The following RAPGEF6 variants were observed in gnomAD, a reference collection of about 807,000 sequenced individuals.
The protein encoded by RAPGEF6 is PDZ domain containing guanine nucleotide exchange factor (GEF) 2.
In RAPGEF6, 56 loss-of-function variants were observed where a neutral mutation model predicts 171.4. That is an observed-to-expected ratio of 0.33 (90% CI 0.26 to 0.41). RAPGEF6 has a LOEUF of 0.41. Ranked by LOEUF, RAPGEF6 falls within the 10% of genes least tolerant of loss-of-function variation. The pLI, the probability that RAPGEF6 is intolerant of heterozygous loss-of-function variation, is 1.00. For synonymous variants in RAPGEF6, 692 were observed against 650.1 expected, an observed-to-expected ratio of 1.06 and a Z score of -0.98; for missense variants, 1,674 against 1,921.4, an observed-to-expected ratio of 0.87 and a Z score of 2.41.
intron 6 of RAPGEF6, among the ~76,000 whole-genome samples, chr5:131,530,090 T>C (rs1463319167): frequency 2.7e-5 from 4 of 149,014 alleles, no homozygotes; most frequent in Non-Finnish European, 5.9e-5. Flanking sequence ...ATATTTTTAA[T>C]AGACACGGGG....
chr5:131,634,766 A>AC (rs1448613514), intron 1 of RAPGEF6, among the ~76,000 whole-genome samples, 196 bp downstream of exon 1: 2 of 152,158 alleles, frequency 1.3e-5, no homozygotes, highest in African/African-American at 4.8e-5. Context: ...GCGGGTTAAG[A>AC]CCGCATCACA....
At chr5:131,439,954 C>G in intron 23 of RAPGEF6, 2 of 635,060 alleles carry the variant, frequency 3.1e-6, no homozygotes, top group African/African-American at 3.7e-5. Flanking sequence ...TTTGTCTGCA[C>G]TTTGTGGTAT....
At chr5:131,552,913 G>T (rs894352031) in intron 5 of RAPGEF6, among the ~76,000 whole-genome samples, 1 of 152,104 alleles carries the variant, frequency 6.6e-6, no homozygotes, top group South Asian at 2.1e-4. Context: ...TAAAAAAGTG[G>T]AATGACACCT....
intron 15 of RAPGEF6, among the ~76,000 whole-genome samples, chr5:131,486,555 C>G (rs1334383726): frequency 6.6e-6 from 1 of 152,010 alleles, no homozygotes; most frequent in Non-Finnish European, 1.5e-5. Flanking sequence ...TTTTAGATAT[C>G]CTGGAATAGA....
intron 9 of RAPGEF6, among the ~76,000 whole-genome samples, chr5:131,505,790 A>C (rs1016844314): frequency 3.9e-5 from 6 of 152,202 alleles, no homozygotes; most frequent in African/African-American, 1.4e-4. Context: ...TCAAGAGCAC[A>C]AACTCTTGGA....
intron 15 of RAPGEF6, among the ~76,000 whole-genome samples, chr5:131,486,145 G>C (rs1755874385): frequency 6.6e-6 from 1 of 152,118 alleles, no homozygotes; most frequent in African/African-American, 2.4e-5. Flanking sequence ...CCTAACAAAG[G>C]TTGTAATGCT....
At chr5:131,600,613 AGAG>A (rs1764180655) in intron 3 of RAPGEF6, among the ~76,000 whole-genome samples, 2 of 149,368 alleles carry the variant, frequency 1.3e-5, no homozygotes, top group Non-Finnish European at 3.0e-5. Context: ...AGGGGAGAGA[AGAG>A]GAGAGAAGAG....
chr5:131,511,583 T>A (rs1340245202), intron 7 of RAPGEF6, among the ~76,000 whole-genome samples: 1 of 151,560 alleles, frequency 6.6e-6, no homozygotes, highest in Admixed American at 6.6e-5. Flanking sequence ...TGCAACCTTG[T>A]CCTCCTGGAC....
chr5:131,469,794 T>C (rs1754620346), intron 17 of RAPGEF6: 3 of 1,512,930 alleles, frequency 2.0e-6, no homozygotes, highest in Non-Finnish European at 2.7e-6. Flanking sequence ...GTCTTTAAGA[T>C]ACTTACAATA....
At chr5:131,483,655 G>A (rs1399742439) in intron 15 of RAPGEF6, among the ~76,000 whole-genome samples, 1 of 151,940 alleles carries the variant, frequency 6.6e-6, no homozygotes, top group African/African-American at 2.4e-5. Context: ...ACAAACACAC[G>A]AAACAAAAGT....
rs137921839 is a variant in RAPGEF6, at chr5:131,588,511, C to T, written c.281+3872G>A. Among the ~76,000 whole-genome samples the T allele has an allele frequency of 7.4e-3, 1,123 of 152,036 alleles. 8 individuals carry two copies. Among genetic ancestry groups the T allele is most frequent in the African/African-American group, 0.025 (1,038 of 41,452 alleles). On this transcript the variant is annotated intron_variant, in intron 4 of 27. Coordinates refer to ENST00000509018, the MANE Select transcript of RAPGEF6 (RefSeq NM_016340.6). ...TAATCCCAGCACTTTGGGAGGCCAACGCAGGTGGATCACTTGAGGTCAAGA... is the reference window on the plus strand; with the variant it reads ...TAATCCCAGCACTTTGGGAGGCCAATGCAGGTGGATCACTTGAGGTCAAGA...
rs1408175918 is a variant in RAPGEF6 at position 131,464,159 on chromosome 5, C to T, written c.2362G>A (p.Gly788Ser). 5.6e-6 allele frequency: 9 copies of T among 1,613,972 alleles called. No individual in the cohort carries two copies. The highest frequency in any genetic ancestry group is 1.7e-4 in the Middle Eastern group (1 of 6,058). Residue 788 changes from glycine (G) to serine (S), a missense_variant, in exon 18 of 28, where the codon GGT becomes AGT. Transcript: ENST00000509018. ...CAGAGAGAATATGTGTCGGATGCAC[C>T]GGTCAAACCAAATTCATGAACAGCA... is the stretch of plus-strand genomic sequence containing the variant. The part of the protein sequence containing the change: ...FHAVHEFGLT[G>S]ASDTYSLCEV...
chr5:131,488,892 T>G (rs1356781943), intron 15 of RAPGEF6, among the ~76,000 whole-genome samples: 6 of 152,192 alleles, frequency 3.9e-5, no homozygotes, highest in Non-Finnish European at 8.8e-5. Flanking sequence ...AATCCTAAAG[T>G]GTCTAAGGCA....
At chr5:131,585,333 CATAT>C (rs1282250278) in intron 4 of RAPGEF6, among the ~76,000 whole-genome samples, 22 of 147,736 alleles carry the variant, frequency 1.5e-4, no homozygotes, top group South Asian at 6.4e-4. Context: ...TACATACATA[CATAT>C]ATATCTCCAT....
chr5:131,502,207 T>C (rs1757068365), intron 11 of RAPGEF6, among the ~76,000 whole-genome samples: 1 of 152,230 alleles, frequency 6.6e-6, no homozygotes, highest in Non-Finnish European at 1.5e-5. Context: ...GACAGTTCAT[T>C]CCTTCAATAC....
At chr5:131,440,737 CAAAA>C (rs1168441695) in intron 23 of RAPGEF6, among the ~76,000 whole-genome samples, 2 of 66,848 alleles carry the variant, frequency 3.0e-5, no homozygotes, top group African/African-American at 1.0e-4. Context: ...GACTCTGTCT[CAAAA>C]AAAAAAAAAA....
chr5:131,607,459 A>T (rs1319670052), intron 1 of RAPGEF6, among the ~76,000 whole-genome samples: 1 of 152,180 alleles, frequency 6.6e-6, no homozygotes, highest in African/African-American at 2.4e-5. Context: ...ACTTTCCATT[A>T]CTTTACTTTC....
intron 14 of RAPGEF6, among the ~76,000 whole-genome samples, chr5:131,490,755 A>C (rs1306508212): frequency 6.6e-6 from 1 of 152,238 alleles, no homozygotes; most frequent in East Asian, 1.9e-4. Context: ...GTTCCTTAAA[A>C]AAGTACTAAA....
intron 22 of RAPGEF6, 41 bp from the exon 23 acceptor site, chr5:131,442,578 AG>A: frequency 6.2e-7 from 1 of 1,605,622 alleles, no homozygotes; most frequent in Non-Finnish European, 8.5e-7. Context: ...GCACGTTTTT[AG>A]GCAAGGTTAT....
Sources: gnomAD v4.1 joint callset for allele counts (sites outside exome capture counted in the v4.1 genomes callset) on GRCh38, gnomAD v4.1.1 for gene constraint, MANE v1.5 for transcripts, NCBI Gene and HGNC (gene_info 2026-07-23, HGNC 2026-07-21) for gene names.